NKAIN2: variants seen among roughly 807,000 people sequenced by gnomAD.
The protein encoded by NKAIN2 is sodium/potassium transporting ATPase interacting 2.
Under a neutral mutation model 32.6 loss-of-function variants are expected in NKAIN2, and 14 were observed. That is an observed-to-expected ratio of 0.43 (90% CI 0.28 to 0.67). NKAIN2 has a LOEUF of 0.67. Ranked by LOEUF, NKAIN2 falls within the 30% of genes least tolerant of loss-of-function variation. The pLI is 0.17. For synonymous variants in NKAIN2, 80 were observed against 87.2 expected (o/e 0.92, Z 0.46); for missense variants, 198 against 258.3 (o/e 0.77, Z 1.60).
intron 3 of NKAIN2, among the ~76,000 whole-genome samples, chr6:124,371,419 A>G (rs926190268): frequency 6.6e-6 from 1 of 151,908 alleles, no homozygotes; most frequent in African/African-American, 2.4e-5. Context: ...GTTGGTCAAG[A>G]GCAGTGGCTC....
chr6:124,720,302 T>C (rs964992402), intron 4 of NKAIN2, among the ~76,000 whole-genome samples: 20 of 152,192 alleles, frequency 1.3e-4, no homozygotes, highest in Non-Finnish European at 2.2e-4. Flanking sequence ...CTCTTTAGGA[T>C]TCACTAGACT....
chr6:123,996,073 C>T (rs2114700218), intron 1 of NKAIN2, among the ~76,000 whole-genome samples: 1 of 152,120 alleles, frequency 6.6e-6, no homozygotes, highest in East Asian at 1.9e-4. Flanking sequence ...AAGCTTGTAT[C>T]TTGACAACAT....
At chr6:124,284,144 C>A (rs1372059981) in intron 2 of NKAIN2, among the ~76,000 whole-genome samples, 3 of 152,202 alleles carry the variant, frequency 2.0e-5, no homozygotes. Flanking sequence ...CATGCCCAGC[C>A]TCCAGTGCAT....
chr6:124,557,727 T>C (rs763419551), intron 3 of NKAIN2, among the ~76,000 whole-genome samples: 4 of 152,230 alleles, frequency 2.6e-5, no homozygotes, highest in Non-Finnish European at 5.9e-5. Flanking sequence ...TAATTTACGA[T>C]GCCTGACTGC....
chr6:124,763,658 C>CT (rs1778375214), intron 4 of NKAIN2, among the ~76,000 whole-genome samples: 1 of 152,144 alleles, frequency 6.6e-6, no homozygotes, highest in Non-Finnish European at 1.5e-5. Context: ...GGGTTGTTTA[C>CT]TTGACAACTG....
At chr6:124,177,434 C>CT (rs935436394) in intron 1 of NKAIN2, among the ~76,000 whole-genome samples, 1 of 152,044 alleles carries the variant, frequency 6.6e-6, no homozygotes, top group Non-Finnish European at 1.5e-5. Flanking sequence ...CACTGGAATC[C>CT]TTTTTTGTGG....
At chr6:124,631,800 C>T (rs1019039425) in intron 3 of NKAIN2, among the ~76,000 whole-genome samples, 4 of 152,126 alleles carry the variant, frequency 2.6e-5, no homozygotes, top group South Asian at 2.1e-4. Context: ...TAAATGCTCT[C>T]GAGGTTCCCC....
intron 1 of NKAIN2, among the ~76,000 whole-genome samples, chr6:123,958,166 AG>A (rs1159100232): frequency 2.0e-5 from 3 of 152,182 alleles, no homozygotes; most frequent in African/African-American, 7.2e-5. Context: ...CGACCAGTGT[AG>A]GAAGGTATCT....
intron 1 of NKAIN2, among the ~76,000 whole-genome samples, chr6:123,985,649 T>C (rs1254238446): frequency 6.6e-6 from 1 of 152,206 alleles, no homozygotes. Flanking sequence ...GTCCCAATTA[T>C]TCACTAGGCA....
chr6:124,753,429 G>A (rs1777818589), intron 4 of NKAIN2, among the ~76,000 whole-genome samples: 2 of 152,056 alleles, frequency 1.3e-5, no homozygotes, highest in Admixed American at 6.6e-5. Flanking sequence ...TGTGATTTCT[G>A]TCGGTTTAGC....
chr6:124,324,409 T>G (rs1171002633), intron 2 of NKAIN2, among the ~76,000 whole-genome samples: 1 of 152,162 alleles, frequency 6.6e-6, no homozygotes, highest in African/African-American at 2.4e-5. Context: ...TGCTTATTGC[T>G]AGTATATAGG....
At chr6:124,751,804 C>A (rs993563180) in intron 4 of NKAIN2, among the ~76,000 whole-genome samples, 1 of 134,340 alleles carries the variant, frequency 7.4e-6, no homozygotes, top group East Asian at 2.3e-4. Flanking sequence ...CATAGTGAGA[C>A]CCCATCTCAA....
At chr6:123,948,597 A>ATTTTTTTTTTTTTTTTTTTTTTTTT (rs71021472) in intron 1 of NKAIN2, among the ~76,000 whole-genome samples, 21 of 49,322 alleles carry the variant, frequency 4.3e-4, no homozygotes, top group East Asian at 8.6e-4. Flanking sequence ...CTTAAATGGG[A>ATTTTTTTTTTTTTTTTTTTTTTTTT]TTTTTTTTTT....
chr6:124,042,371 G>C (rs931248591), intron 1 of NKAIN2, among the ~76,000 whole-genome samples: 5 of 152,054 alleles, frequency 3.3e-5, no homozygotes, highest in African/African-American at 1.2e-4. Flanking sequence ...GGTTCCTGAA[G>C]CTCTAGAGCA....
At chr6:123,810,723 G>GT (rs1047526984) in intron 1 of NKAIN2, among the ~76,000 whole-genome samples, 1 of 151,658 alleles carries the variant, frequency 6.6e-6, no homozygotes, top group African/African-American at 2.4e-5. Context: ...TTATTTGCCT[G>GT]TTTTTTGTTT....
At chr6:124,580,090 A>G (rs1333642366) in intron 3 of NKAIN2, among the ~76,000 whole-genome samples, 2 of 152,224 alleles carry the variant, frequency 1.3e-5, no homozygotes, top group Non-Finnish European at 2.9e-5. Flanking sequence ...TGCTAAATGG[A>G]GTTCTGCAAT....
chr6:124,036,913 G>A (rs1190645452), intron 1 of NKAIN2, among the ~76,000 whole-genome samples: 3 of 152,056 alleles, frequency 2.0e-5, no homozygotes, highest in Admixed American at 6.6e-5. Flanking sequence ...TTGCTCTTTG[G>A]TACTAAATTC....
At chr6:123,891,607 G>A (rs990987109) in intron 1 of NKAIN2, among the ~76,000 whole-genome samples, 2 of 152,152 alleles carry the variant, frequency 1.3e-5, no homozygotes, top group African/African-American at 4.8e-5. Flanking sequence ...GGTCTCTTTA[G>A]CTGTGTAAAG....
In NKAIN2 at chr6:124,114,156, G is replaced by A. The variant is rs540119817; in HGVS notation, c.55-168849G>A. ...CTCTGCATTCTAGCTAACGTGTTGTGTTGTCAGCCTTTTTAATGTCAGCAG... is the reference window on the plus strand; with the variant it reads ...CTCTGCATTCTAGCTAACGTGTTGTATTGTCAGCCTTTTTAATGTCAGCAG... On this transcript the variant is annotated intron_variant, in intron 1 of 6. Coordinates refer to ENST00000368417, the MANE Select transcript of NKAIN2 (RefSeq NM_001040214.3). Among the ~76,000 whole-genome samples the A allele has an allele frequency of 3.3e-5, 5 of 152,254 alleles. 1 individual carries two copies. The highest frequency in any genetic ancestry group is 3.3e-4 in the Admixed American group (5 of 15,298).
Sources: gnomAD v4.1 joint callset for allele counts (sites outside exome capture counted in the v4.1 genomes callset) on GRCh38, gnomAD v4.1.1 for gene constraint, MANE v1.5 for transcripts, NCBI Gene and HGNC (gene_info 2026-07-23, HGNC 2026-07-21) for gene names.